The following CDC14B variants were observed in gnomAD, a reference collection of about 807,000 sequenced individuals.
The protein encoded by CDC14B is dual specificity protein phosphatase CDC14B.
CDC14B carries 22 observed loss-of-function variants against 64.2 expected under a neutral mutation model. That is an observed-to-expected ratio of 0.34 (90% CI 0.24 to 0.49). The LOEUF is 0.49. Ranked by LOEUF, CDC14B falls within the 20% of genes least tolerant of loss-of-function variation. The probability of loss-of-function intolerance (pLI) is 0.99; values close to 1 mark genes in which losing one functional copy is unlikely to be tolerated. For synonymous variants in CDC14B, 191 were observed against 215.8 expected, an observed-to-expected ratio of 0.89 and a Z score of 1.01; for missense variants, 498 against 629.9, an observed-to-expected ratio of 0.79 and a Z score of 2.24.
chr9:96,543,319 GCGAGACT>G (rs1323784952), intron 5 of CDC14B, among the ~76,000 whole-genome samples: 3 of 151,610 alleles, frequency 2.0e-5, no homozygotes, highest in Admixed American at 2.0e-4. Flanking sequence ...GGGTGACAGA[GCGAGACT>G]CGAGACTCGT....
Position 96,502,841 on chromosome 9 carries a change from TAAAA to T in CDC14B, c.*908_*911del. On this transcript the variant is annotated 3_prime_UTR_variant, in exon 14 of 14. Coordinates refer to ENST00000375241, the MANE Select transcript of CDC14B (RefSeq NM_033331.4). ...AATCCAATGTTACAGGGAAGGACTC[TAAAA>T]AAGTGGTAACTTTTTTTTTTTGTAA... 2.5e-6 allele frequency: 1 copy of T among 395,182 alleles called. No homozygotes were observed. The allele number at this position is 395,182 out of a possible 1,614,324, so 24.5% of individuals were successfully genotyped here.
At chr9:96,614,583 T>TA (rs757329274) in intron 1 of CDC14B, among the ~76,000 whole-genome samples, 3 of 152,322 alleles carry the variant, frequency 2.0e-5, no homozygotes, top group Non-Finnish European at 2.9e-5. Context: ...GCAGTAGTGT[T>TA]AGAGTCTTTA....
At chr9:96,612,839 T>A (rs1159168648) in intron 1 of CDC14B, among the ~76,000 whole-genome samples, 1 of 152,208 alleles carries the variant, frequency 6.6e-6, no homozygotes, top group Admixed American at 6.5e-5. Flanking sequence ...CATTTGCACA[T>A]ATTCATTATG....
chr9:96,552,949 G>T (rs1157200392), intron 4 of CDC14B, among the ~76,000 whole-genome samples: 1 of 152,142 alleles, frequency 6.6e-6, no homozygotes, highest in African/African-American at 2.4e-5. Context: ...ACTAAAAAAA[G>T]TTAATTGCAA....
intron 4 of CDC14B, among the ~76,000 whole-genome samples, chr9:96,560,143 G>A (rs1426882527): frequency 6.6e-6 from 1 of 152,114 alleles, no homozygotes; most frequent in Admixed American, 6.5e-5. Context: ...GGTTCTTCAC[G>A]CTGTAGTCCT....
At chr9:96,614,585 G>C (rs558025754) in intron 1 of CDC14B, among the ~76,000 whole-genome samples, 2 of 152,280 alleles carry the variant, frequency 1.3e-5, no homozygotes, top group South Asian at 2.1e-4. Flanking sequence ...AGTAGTGTTA[G>C]AGTCTTTAAA....
rs532056091 is a variant in CDC14B at position 96,494,935 on chromosome 9, T to C, written c.*80+1272A>G. Among the ~76,000 whole-genome samples the C allele has an allele frequency of 7.5e-3, 1,126 of 150,702 alleles. 8 individuals carry two copies. The highest frequency in any genetic ancestry group is 0.024 in the Middle Eastern group (7 of 292). On this transcript the variant is annotated intron_variant and NMD_transcript_variant, in intron 13 of 13. Coordinates refer to the CDC14B transcript ENST00000474602. ...CTGCAAGCTCTGTCTCCCGGGTTCA[T>C]GCCATTCTCCTGCCTCAGCCTCCCA...
At chr9:96,582,066 T>C (rs569788132) in intron 1 of CDC14B, among the ~76,000 whole-genome samples, 1 of 152,224 alleles carries the variant, frequency 6.6e-6, no homozygotes, top group South Asian at 2.1e-4. Context: ...TCTCCTCCTG[T>C]TTTACGACAA....
chr9:96,561,388 A>G (rs993656913), intron 4 of CDC14B, among the ~76,000 whole-genome samples: 1 of 152,238 alleles, frequency 6.6e-6, no homozygotes, highest in Non-Finnish European at 1.5e-5. Flanking sequence ...TATACTCCAG[A>G]AAATAATTTT....
chr9:96,503,153 T>C lies in CDC14B; in HGVS notation c.*600A>G, dbSNP rs1046155661. On this transcript the variant is annotated 3_prime_UTR_variant, in exon 14 of 14. Coordinates refer to ENST00000375241, the MANE Select transcript of CDC14B (RefSeq NM_033331.4). ...TGGTCTTACAACATGCAACAGTGTT[T>C]AAATGTGATTTTCACAGATTCTTGT... The C allele has an allele frequency of 1.5e-5, 5 of 343,282 alleles. No homozygotes were observed. Among genetic ancestry groups the C allele is most frequent in the African/African-American group, 1.1e-4 (5 of 47,482 alleles). The allele number at this position is 343,282 out of a possible 1,614,324, so 21.3% of individuals were successfully genotyped here.
At chr9:96,612,023 T>C (rs1273113801) in intron 1 of CDC14B, among the ~76,000 whole-genome samples, 1 of 152,230 alleles carries the variant, frequency 6.6e-6, no homozygotes, top group Non-Finnish European at 1.5e-5. Context: ...TTCAGTATAA[T>C]AAAAATACAT....
intron 3 of CDC14B, among the ~76,000 whole-genome samples, chr9:96,564,505 A>C (rs867434282): frequency 5.3e-4 from 81 of 152,334 alleles, no homozygotes; most frequent in African/African-American, 1.8e-3. Flanking sequence ...AGGTTCACTT[A>C]ATTAACTGAT....
rs539462820 is a variant in CDC14B, at chr9:96,585,226, T to A, written c.161-19743A>T. Among the ~76,000 whole-genome samples, 30 of 152,102 alleles carry A rather than the reference T, an allele frequency of 2.0e-4. 1 individual carries two copies. In the East Asian group the frequency reaches 4.1e-3, roughly 21 times the overall value. Reference sequence around the variant, plus strand: ...GGGATTAAGGCACTTTTTTTTTTTTTAACTTTAAGTTCTGGGATATATGTG... The same window carrying A: ...GGGATTAAGGCACTTTTTTTTTTTTAAACTTTAAGTTCTGGGATATATGTG... On this transcript the variant is annotated intron_variant, in intron 1 of 13. Transcript: ENST00000375241.
At chr9:96,597,828 G>A (rs1037196321) in intron 1 of CDC14B, among the ~76,000 whole-genome samples, 1 of 152,150 alleles carries the variant, frequency 6.6e-6, no homozygotes, top group Non-Finnish European at 1.5e-5. Context: ...TTTAAAAGAT[G>A]ATTATTTTGA....
chr9:96,550,647 T>C (rs1841665304), intron 5 of CDC14B, among the ~76,000 whole-genome samples: 1 of 152,246 alleles, frequency 6.6e-6, no homozygotes, highest in South Asian at 2.1e-4. Context: ...CAAGCAGTTT[T>C]TGAAAATATC....
intron 5 of CDC14B, among the ~76,000 whole-genome samples, chr9:96,548,875 G>A (rs2132006809): frequency 6.6e-6 from 1 of 151,704 alleles, no homozygotes; most frequent in East Asian, 1.9e-4. Flanking sequence ...CATTGCTACA[G>A]AACATAAAAG....
chr9:96,563,193 G>A (rs1201502371), intron 3 of CDC14B, among the ~76,000 whole-genome samples: 2 of 152,228 alleles, frequency 1.3e-5, no homozygotes, highest in African/African-American at 4.8e-5. Context: ...AACCAGGGGA[G>A]GGGTGTGCAG....
rs1847830124 is a variant in CDC14B at position 96,619,211 on chromosome 9, C to T, written c.160+8G>A. 1.6e-6 allele frequency: 2 copies of T among 1,284,846 alleles called. No individual in the cohort carries two copies. The highest frequency in any genetic ancestry group is 3.1e-5 in the South Asian group (1 of 32,504). The allele number at this position is 1,284,846 out of a possible 1,614,324, so 79.6% of individuals were successfully genotyped here. On this transcript the variant is annotated splice_region_variant and intron_variant, in intron 1 of 13. Coordinates refer to ENST00000375241, the MANE Select transcript of CDC14B (RefSeq NM_033331.4). ...CGGGGCCCTCCGCGCGCCCACTGGC[C>T]GGCTCACCGGTGATGTCCAGGTACA...
intron 1 of CDC14B, among the ~76,000 whole-genome samples, chr9:96,576,553 A>T (rs570673464): frequency 6.6e-6 from 1 of 150,486 alleles, no homozygotes. Context: ...GAATTGCTTG[A>T]ACCCAGGATG....
Sources: allele counts gnomAD v4.1 joint callset (sites outside exome capture counted in the v4.1 genomes callset), GRCh38; gene constraint gnomAD v4.1.1; transcripts MANE v1.5; gene names NCBI Gene and HGNC (gene_info 2026-07-23, HGNC 2026-07-21).